The following ATP8B4 variants were observed in gnomAD, a reference collection of about 807,000 sequenced individuals.
The protein encoded by ATP8B4 is probable phospholipid-transporting ATPase IM.
ATP8B4 carries 133 observed loss-of-function variants against 145.6 expected under a neutral mutation model. The ratio of observed to expected loss-of-function variants is 0.91; its 90% CI spans 0.79 to 1.05. ATP8B4 has a LOEUF of 1.05. Ranked by LOEUF, ATP8B4 falls within the 50% of genes least tolerant of loss-of-function variation. The probability of loss-of-function intolerance (pLI) is 0.00; values close to 1 mark genes in which losing one functional copy is unlikely to be tolerated. For missense variants in ATP8B4, 1,458 were observed against 1,425.2 expected (o/e 1.02, Z -0.37); for synonymous variants, 507 against 492.9 (o/e 1.03, Z -0.38).
At chr15:50,115,537 G>A (rs1349815793) in intron 1 of ATP8B4, among the ~76,000 whole-genome samples, 2 of 151,804 alleles carry the variant, frequency 1.3e-5, no homozygotes, top group African/African-American at 4.8e-5. Context: ...ACAAGGTAAG[G>A]ACAAGTCAAA....
chr15:50,054,783 C>CAAAAA (rs55783703), intron 3 of ATP8B4, among the ~76,000 whole-genome samples: 7 of 81,838 alleles, frequency 8.6e-5, no homozygotes, highest in African/African-American at 1.5e-4. Context: ...GACTCCGCCT[C>CAAAAA]AAAAAAAAAA....
chr15:50,148,442 G>A (rs926974865), intron 1 of ATP8B4, among the ~76,000 whole-genome samples: 9 of 152,076 alleles, frequency 5.9e-5, no homozygotes, highest in African/African-American at 2.2e-4. Flanking sequence ...TAAGAGGTGG[G>A]GCCTTTAAAA....
At chr15:50,019,657 A>G (rs2049374838) in intron 6 of ATP8B4, among the ~76,000 whole-genome samples, 1 of 152,110 alleles carries the variant, frequency 6.6e-6, no homozygotes, top group Admixed American at 6.5e-5. Flanking sequence ...GCTTTCTCCA[A>G]TCAGGATTTT....
At chr15:49,877,814 C>G (rs2034720083) in intron 24 of ATP8B4, among the ~76,000 whole-genome samples, 2 of 152,044 alleles carry the variant, frequency 1.3e-5, no homozygotes, top group African/African-American at 4.8e-5. Context: ...AATAAATATG[C>G]CAGATGCTTC....
rs1165129021 is a variant in ATP8B4 at position 49,876,579 on chromosome 15, T to C, written c.2782-56A>G. ...GGATTAAAAAGAGTCAGAGAGGCCT[T>C]GTATTCCCTATCTTCAGAAATAGCA... is the stretch of plus-strand genomic sequence containing the variant. On this transcript the variant is annotated intron_variant, in intron 24 of 27. Coordinates refer to ENST00000284509, the MANE Select transcript of ATP8B4 (RefSeq NM_024837.4). 4 of 1,602,242 alleles carry C rather than the reference T, an allele frequency of 2.5e-6. No homozygotes were observed. The East Asian group carries it at 6.7e-5, about 27-fold the overall frequency.
At chr15:50,106,841 C>T (rs1423734297) in intron 2 of ATP8B4, 98 bp downstream of exon 2, 5 of 1,220,996 alleles carry the variant, frequency 4.1e-6, no homozygotes, top group Non-Finnish European at 5.7e-6. Flanking sequence ...AACACCTAGA[C>T]CTGTGTGCTT....
At chr15:49,994,314 C>T (rs8028370) in intron 9 of ATP8B4, among the ~76,000 whole-genome samples, 18,037 of 152,088 alleles carry the variant, frequency 0.12, 1,589 homozygotes, top group East Asian at 0.29. Context: ...CTCACCCCAT[C>T]GTTTCACACT....
intron 6 of ATP8B4, among the ~76,000 whole-genome samples, chr15:50,028,277 T>C (rs978082173): frequency 6.6e-6 from 1 of 152,240 alleles, no homozygotes; most frequent in Admixed American, 6.5e-5. Flanking sequence ...CCTTCCAGTA[T>C]TGCACATCTG....
At chr15:50,162,634 G>A (rs1429867561) in intron 1 of ATP8B4, among the ~76,000 whole-genome samples, 1 of 152,060 alleles carries the variant, frequency 6.6e-6, no homozygotes, top group Non-Finnish European at 1.5e-5. Context: ...AGCCTCCCAA[G>A]TAGCTGGGAC....
chr15:50,157,644 T>C (rs1280532461), intron 1 of ATP8B4, among the ~76,000 whole-genome samples: 1 of 152,228 alleles, frequency 6.6e-6, no homozygotes, highest in African/African-American at 2.4e-5. Context: ...TCTATACCTG[T>C]GAAGAATATC....
chr15:50,151,852 G>C (rs992013779), intron 1 of ATP8B4, among the ~76,000 whole-genome samples: 5 of 151,280 alleles, frequency 3.3e-5, no homozygotes, highest in African/African-American at 9.7e-5. Context: ...TTGAGGAATA[G>C]TAAGAATAAA....
intron 14 of ATP8B4, among the ~76,000 whole-genome samples, chr15:49,957,556 C>T (rs2043684949): frequency 6.6e-6 from 1 of 151,880 alleles, no homozygotes; most frequent in Non-Finnish European, 1.5e-5. Context: ...AAAAGATATA[C>T]CTAAATCAAA....
rs143532947 is a variant in ATP8B4, at chr15:50,002,008, C to T, written c.506+145G>A. 11 of 595,642 alleles carry T rather than the reference C, an allele frequency of 1.8e-5. No homozygotes were observed. In the East Asian group the frequency reaches 2.5e-4, roughly 14 times the overall value. 36.9% of individuals were successfully genotyped at this position (595,642 alleles called of 1,614,324 possible). On this transcript the variant is annotated intron_variant, in intron 8 of 27. Transcript: ENST00000284509. Reference sequence around the variant, plus strand: ...AAGAGAAAAAACAGTTTCAAAATTACTGTAGAGTAATTAACTATGGACTTT... The same window carrying T: ...AAGAGAAAAAACAGTTTCAAAATTATTGTAGAGTAATTAACTATGGACTTT...
intron 2 of ATP8B4, among the ~76,000 whole-genome samples, chr15:50,093,657 A>G (rs2055757392): frequency 6.6e-6 from 1 of 152,154 alleles, no homozygotes; most frequent in Non-Finnish European, 1.5e-5. Flanking sequence ...CAAATATAGC[A>G]ATAACTATAT....
chr15:50,063,285 T>C (rs1370255666), intron 3 of ATP8B4, among the ~76,000 whole-genome samples: 1 of 152,032 alleles, frequency 6.6e-6, no homozygotes, highest in African/African-American at 2.4e-5. Context: ...TTCTTCATTG[T>C]GTTGTGCTCA....
At position 49,917,053 on chromosome 15, in the gene ATP8B4, A is replaced by G; in HGVS notation, c.2036-14T>C. 6.2e-7 allele frequency: 1 copy of G among 1,610,900 alleles called. No individual in the cohort carries two copies. Among genetic ancestry groups the G allele is most frequent in the Admixed American group, 1.7e-5 (1 of 60,018 alleles). Reference sequence around the variant, plus strand: ...TGATGGCAGTTTCTAACACAAAATAAAGCCCAATTCAGTTAAAATGTTACT... The same window carrying G: ...TGATGGCAGTTTCTAACACAAAATAGAGCCCAATTCAGTTAAAATGTTACT... On this transcript the variant is annotated splice_polypyrimidine_tract_variant and intron_variant, in intron 19 of 27. Transcript: ENST00000284509.
intron 6 of ATP8B4, among the ~76,000 whole-genome samples, chr15:50,029,468 G>A (rs1379525461): frequency 1.3e-5 from 2 of 151,984 alleles, no homozygotes; most frequent in Non-Finnish European, 2.9e-5. Context: ...CTTCTTTTCT[G>A]TGTCTCTTCT....
chr15:49,906,015 C>T (rs1175243426), intron 20 of ATP8B4, among the ~76,000 whole-genome samples: 3 of 152,198 alleles, frequency 2.0e-5, no homozygotes, highest in Non-Finnish European at 4.4e-5. Flanking sequence ...GATCACATTA[C>T]GCATGATGTT....
At chr15:50,050,447 A>T (rs1461313469) in intron 3 of ATP8B4, among the ~76,000 whole-genome samples, 1 of 152,194 alleles carries the variant, frequency 6.6e-6, no homozygotes, top group Admixed American at 6.5e-5. Flanking sequence ...GTTGGTTTTT[A>T]AAATATTTAT....
Sources: allele counts gnomAD v4.1 joint callset (sites outside exome capture counted in the v4.1 genomes callset), GRCh38; gene constraint gnomAD v4.1.1; transcripts MANE v1.5; gene names NCBI Gene and HGNC (gene_info 2026-07-23, HGNC 2026-07-21).